The following RORA variants were observed in gnomAD, a reference collection of about 807,000 sequenced individuals.
RORA encodes the protein nuclear receptor ROR-alpha.
A neutral mutation model predicts 69.5 loss-of-function variants in RORA; 7 were observed. The observed-to-expected ratio is 0.10, with a 90% CI of 0.06 to 0.19. RORA has a LOEUF of 0.19. Ranked by LOEUF, RORA falls within the 10% of genes least tolerant of loss-of-function variation. The pLI is 1.00. For synonymous variants in RORA, 261 were observed against 240.8 expected, an observed-to-expected ratio of 1.08 and a Z score of -0.78; for missense variants, 457 against 663.0, an observed-to-expected ratio of 0.69 and a Z score of 3.41.
chr15:60,882,109 A>G (rs141287670), intron 1 of RORA, among the ~76,000 whole-genome samples: 396 of 152,246 alleles, frequency 2.6e-3, no homozygotes, highest in Admixed American at 5.1e-3. Flanking sequence ...ACTGTTCTGT[A>G]TCTTCCATCT....
At chr15:60,865,341 C>T (rs1195715936) in intron 1 of RORA, among the ~76,000 whole-genome samples, 1 of 152,200 alleles carries the variant, frequency 6.6e-6, no homozygotes, top group African/African-American at 2.4e-5. Flanking sequence ...CTCTATTATT[C>T]TATTATCTTT....
chr15:60,856,902 A>T (rs767768351), intron 1 of RORA, among the ~76,000 whole-genome samples: 2 of 152,232 alleles, frequency 1.3e-5, no homozygotes, highest in Non-Finnish European at 2.9e-5. Context: ...CCAATTGGGT[A>T]AACCTTGAGT....
intron 1 of RORA, among the ~76,000 whole-genome samples, chr15:60,832,380 C>T (rs1396394250): frequency 6.6e-6 from 1 of 152,080 alleles, no homozygotes; most frequent in Non-Finnish European, 1.5e-5. Context: ...TAGTCACCTA[C>T]CTCCCCATTT....
intron 1 of RORA, among the ~76,000 whole-genome samples, chr15:60,810,592 T>C (rs1028954618): frequency 9.2e-5 from 14 of 152,204 alleles, no homozygotes; most frequent in Non-Finnish European, 1.5e-4. Flanking sequence ...ATTTTTAATT[T>C]ATTACAGCTC....
chr15:60,498,075 A>T lies in RORA; in HGVS notation c.1408-456T>A, dbSNP rs1013670701. Among the ~76,000 whole-genome samples, 5 of 152,266 alleles carry T rather than the reference A, an allele frequency of 3.3e-5. No homozygotes were observed. In the East Asian group the frequency reaches 9.6e-4, roughly 29 times the overall value. ...CTCTGTCTCTTAAAAAAAATAAATA[A>T]ATAAATGATGATATAGTCATGTCAT... On this transcript the variant is annotated intron_variant, in intron 10 of 10. Coordinates refer to ENST00000335670, the MANE Select transcript of RORA (RefSeq NM_134261.3).
At chr15:61,065,274 A>C (rs1165747068) in intron 1 of RORA, among the ~76,000 whole-genome samples, 2 of 152,210 alleles carry the variant, frequency 1.3e-5, no homozygotes, top group African/African-American at 4.8e-5. Flanking sequence ...TGCTCCTTGA[A>C]GGTGGGGGCC....
At chr15:60,801,471 G>T (rs543508262) in intron 1 of RORA, among the ~76,000 whole-genome samples, 1 of 152,166 alleles carries the variant, frequency 6.6e-6, no homozygotes, top group African/African-American at 2.4e-5. Flanking sequence ...AATACAGAAC[G>T]GCTGTCTTGA....
intron 1 of RORA, among the ~76,000 whole-genome samples, chr15:60,946,236 C>CCCTCTA (rs1411375990): frequency 6.6e-6 from 1 of 151,536 alleles, no homozygotes; most frequent in African/African-American, 2.4e-5. Flanking sequence ...GACTCCGACT[C>CCCTCTA]CCTCTCCCTC....
At chr15:60,943,808 C>T (rs62006833) in intron 1 of RORA, among the ~76,000 whole-genome samples, 38,212 of 148,006 alleles carry the variant, frequency 0.26, 5,833 homozygotes, top group East Asian at 0.52. Flanking sequence ...CCCAGCTACT[C>T]GGGAGGCTGA....
intron 2 of RORA, among the ~76,000 whole-genome samples, chr15:60,576,733 G>GT (rs1410863797): frequency 3.3e-5 from 5 of 152,218 alleles, no homozygotes. Context: ...AGTGAATGGT[G>GT]TATGTGTTAA....
At chr15:61,201,240 C>A (rs530163882) in intron 1 of RORA, among the ~76,000 whole-genome samples, 1 of 152,334 alleles carries the variant, frequency 6.6e-6, no homozygotes, top group South Asian at 2.1e-4. Flanking sequence ...GTCAAAGTCT[C>A]TGTGCATTTG....
At chr15:60,748,394 G>T (rs564080209) in intron 1 of RORA, among the ~76,000 whole-genome samples, 1 of 151,770 alleles carries the variant, frequency 6.6e-6, no homozygotes, top group African/African-American at 2.4e-5. Flanking sequence ...CAAGGGAATG[G>T]GTCCAGAGAT....
In RORA at chr15:61,202,110, C is replaced by T. The variant is rs560562560; in HGVS notation, c.166+26943G>A. ...GCAACCTCCGCCTCCCAGGTTCAAG[C>T]GATTCTCCTGCCTTAGCCTCCCAAG... On this transcript the variant is annotated intron_variant, in intron 1 of 10. Transcript: ENST00000335670. Among the ~76,000 whole-genome samples the T allele has an allele frequency of 2.2e-4, 34 of 151,536 alleles. No homozygotes were observed. In the East Asian group the frequency reaches 5.4e-3, roughly 24 times the overall value.
chr15:61,207,303 A>G (rs577258465), intron 1 of RORA, among the ~76,000 whole-genome samples: 1 of 152,316 alleles, frequency 6.6e-6, no homozygotes, highest in South Asian at 2.1e-4. Flanking sequence ...CGTGCTAGCC[A>G]AGGATGGATT....
chr15:61,083,699 C>G (rs936870069), intron 1 of RORA, among the ~76,000 whole-genome samples: 2 of 152,014 alleles, frequency 1.3e-5, no homozygotes, highest in African/African-American at 4.8e-5. Context: ...GCTCACACTT[C>G]CACCCACTTC....
chr15:60,605,747 T>C (rs1319902512), intron 2 of RORA, among the ~76,000 whole-genome samples: 2 of 152,228 alleles, frequency 1.3e-5, no homozygotes, highest in Non-Finnish European at 1.5e-5. Context: ...GAGTAAATAA[T>C]GATTATATTA....
chr15:61,146,586 A>G (rs72739560), intron 1 of RORA, among the ~76,000 whole-genome samples: 24,653 of 152,100 alleles, frequency 0.16, 2,220 homozygotes, highest in African/African-American at 0.19. Flanking sequence ...TAATTGATTC[A>G]CTAGATAATG....
intron 1 of RORA, among the ~76,000 whole-genome samples, chr15:61,034,788 C>CAAAA (rs33933996): frequency 1.2e-5 from 1 of 83,004 alleles, no homozygotes; most frequent in African/African-American, 4.6e-5. Flanking sequence ...CATCACAGAC[C>CAAAA]AAAAAAAAAA....
At chr15:60,769,855 T>G (rs2072047804) in intron 1 of RORA, among the ~76,000 whole-genome samples, 2 of 152,230 alleles carry the variant, frequency 1.3e-5, no homozygotes, top group Admixed American at 1.3e-4. Context: ...CTTGCATTTT[T>G]CTTGCTTCTT....
Sources: gnomAD v4.1 joint callset for allele counts (sites outside exome capture counted in the v4.1 genomes callset) on GRCh38, gnomAD v4.1.1 for gene constraint, MANE v1.5 for transcripts, NCBI Gene and HGNC (gene_info 2026-07-23, HGNC 2026-07-21) for gene names.